DOCK6: variants seen among roughly 807,000 people sequenced by gnomAD.
DOCK6 encodes dedicator of cytokinesis protein 6.
In DOCK6, 167 loss-of-function variants were observed where a neutral mutation model predicts 230.3. The observed-to-expected ratio is 0.73, with a 90% CI of 0.64 to 0.82. The LOEUF (loss-of-function observed/expected upper bound fraction) is 0.82, where lower values mean the gene tolerates loss of function less well. Among genes scored for constraint, DOCK6 ranks in the 40% least tolerant of loss-of-function variants. DOCK6 has a pLI of 0.00. For synonymous variants in DOCK6, 1,148 were observed against 1,185.0 expected (o/e 0.97, Z 0.64); for missense variants, 2,598 against 2,825.8 (o/e 0.92, Z 1.83).
At chr19:11,218,817 G>A (rs934644894) in intron 28 of DOCK6, among the ~76,000 whole-genome samples, 1 of 145,082 alleles carries the variant, frequency 6.9e-6, no homozygotes, top group Non-Finnish European at 1.5e-5. Context: ...CTGTTCTAAG[G>A]ACTTTAAAAA....
rs1290539904 is a variant in DOCK6 at position 11,222,086 on chromosome 19, G to T, written c.3380+23C>A. On this transcript the variant is annotated intron_variant, in intron 27 of 47. Coordinates refer to ENST00000294618, the MANE Select transcript of DOCK6 (RefSeq NM_020812.4). The surrounding 1 kb of genome is among the most constrained non-coding windows in gnomAD (Gnocchi z 4.0). ...TCCTGGACTGTCCCACCTGTCCTGG[G>T]GCTAGACAGGAGCTCTGCTCACCCT... The T allele has an allele frequency of 1.9e-6, 3 of 1,610,524 alleles. No homozygotes were observed. In the South Asian group the frequency reaches 3.3e-5, roughly 18 times the overall value.
chr19:11,222,856 A>G lies in DOCK6; in HGVS notation c.3119T>C (p.Leu1040Pro). Residue 1040 changes from leucine (L) to proline (P), a missense_variant, in exon 26 of 48, where the codon CTG becomes CCG. By Grantham distance (98) the Leu-to-Pro change is moderately conservative. Coordinates refer to ENST00000294618, the MANE Select transcript of DOCK6 (RefSeq NM_020812.4). The surrounding 1 kb of genome is among the most constrained non-coding windows in gnomAD (Gnocchi z 4.0). ...SSPNPAALLTLRMEFTRILCS... is the reference protein window; with the variant it reads ...SSPNPAALLTPRMEFTRILCS... Reference sequence around the variant, plus strand: ...CAGGATGCGGGTGAATTCCATGCGCAGGGTCAGCAGGGCTGCTGGATTAGG... The same window carrying G: ...CAGGATGCGGGTGAATTCCATGCGCGGGGTCAGCAGGGCTGCTGGATTAGG... The G allele has an allele frequency of 6.2e-7, 1 of 1,604,366 alleles. No individual in the cohort carries two copies. Among genetic ancestry groups the G allele is most frequent in the Non-Finnish European group, 8.5e-7 (1 of 1,175,784 alleles).
chr19:11,201,160 C>T lies in DOCK6; in HGVS notation c.5689-108G>A. The T allele has an allele frequency of 7.2e-7, 1 of 1,390,328 alleles. No homozygotes were observed. Among genetic ancestry groups the T allele is most frequent in the Admixed American group, 2.0e-5 (1 of 49,768 alleles). 86.1% of individuals were successfully genotyped at this position (1,390,328 alleles called of 1,614,324 possible). A position where few individuals can be genotyped will look rare whatever the true frequency, so the allele number is the denominator to read the frequency against. Reference sequence around the variant, plus strand: ...GCTGGGAGTGAGAGGGGTCCAAGAACCCAGGCAATGAACAGAATCTGGGGG... The same window carrying T: ...GCTGGGAGTGAGAGGGGTCCAAGAATCCAGGCAATGAACAGAATCTGGGGG... On this transcript the variant is annotated intron_variant, in intron 44 of 47. Transcript: ENST00000294618. The surrounding 1 kb of genome is among the most constrained non-coding windows in gnomAD (Gnocchi z 4.3).
At chr19:11,252,573 T>C (rs1401496732) in intron 3 of DOCK6, 23 bp from the exon 4 acceptor site, 8 of 1,613,674 alleles carry the variant, frequency 5.0e-6, no homozygotes, top group Non-Finnish European at 5.9e-6. Context: ...AAGATCAGGG[T>C]AAACAGAGAC....
In DOCK6 at chr19:11,202,208, G is replaced by T; in HGVS notation, c.5452-83C>A. On this transcript the variant is annotated intron_variant, in intron 43 of 47. Transcript: ENST00000294618. The surrounding 1 kb of genome is among the most constrained non-coding windows in gnomAD (Gnocchi z 5.3). ...TGTTCCTGGAGAGAGGGGATCTGGG[G>T]ACTTTGTCATTTCCAAGTCTTCCTA... is the stretch of plus-strand genomic sequence containing the variant. 6.8e-7 allele frequency: 1 copy of T among 1,478,170 alleles called. No homozygotes were observed. The highest frequency in any genetic ancestry group is 1.2e-5 in the South Asian group (1 of 83,362). 91.6% of individuals were successfully genotyped at this position (1,478,170 alleles called of 1,614,324 possible). A position where few individuals can be genotyped will look rare whatever the true frequency, so the allele number is the denominator to read the frequency against.
At position 11,235,502 on chromosome 19, in the gene DOCK6, C is replaced by T. The variant is rs115949195; in HGVS notation, c.2554+96G>A. The stretch of plus-strand genomic sequence containing the variant: ...CTGACCTCAAATGATCCATCCAGCT[C>T]GGCCTCCCAAAGTCCTGGGATTACA... On this transcript the variant is annotated intron_variant, in intron 21 of 47. Coordinates refer to ENST00000294618, the MANE Select transcript of DOCK6 (RefSeq NM_020812.4). The T allele has an allele frequency of 4.3e-4, 535 of 1,245,036 alleles. 3 individuals carry two copies. In the East Asian group the frequency reaches 8.4e-3, roughly 19 times the overall value. 77.1% of individuals were successfully genotyped at this position (1,245,036 alleles called of 1,614,324 possible).
intron 14 of DOCK6, among the ~76,000 whole-genome samples, chr19:11,239,415 C>T (rs2079903705): frequency 6.6e-6 from 1 of 152,212 alleles, no homozygotes; most frequent in Non-Finnish European, 1.5e-5. Flanking sequence ...GGCCCGTCCT[C>T]TCCCAATGCC....
At chr19:11,238,407 A>G in intron 14 of DOCK6, 103 bp from the exon 15 acceptor site, 1 of 1,045,830 alleles carries the variant, frequency 9.6e-7, no homozygotes, top group Admixed American at 2.0e-5. Flanking sequence ...CAGACAGTCC[A>G]GGAAGAGTAG....
Position 11,200,433 on chromosome 19 carries a change from A to C in DOCK6, c.5976T>G (p.Ile1992Met). The C allele has an allele frequency of 6.2e-7, 1 of 1,611,506 alleles. No homozygotes were observed. Among genetic ancestry groups the C allele is most frequent in the Non-Finnish European group, 8.5e-7 (1 of 1,178,982 alleles). ...GGTGGTACTCCTTCTGGTCCGGCCCAATCAGGGCCTTATTTTTCCGCAGCG... is the reference window on the plus strand; with the variant it reads ...GGTGGTACTCCTTCTGGTCCGGCCCCATCAGGGCCTTATTTTTCCGCAGCG... The part of the protein sequence containing the change: ...EDALRKNKAL[I>M]GPDQKEYHRE... The change falls in exon 47 of 48, where the codon ATT becomes ATG. Residue 1992 changes from isoleucine to methionine, a missense_variant. Transcript: ENST00000294618. The surrounding 1 kb of genome is among the most constrained non-coding windows in gnomAD (Gnocchi z 4.3).
intron 32 of DOCK6, 103 bp downstream of exon 32, chr19:11,215,284 A>T: frequency 1.9e-6 from 2 of 1,025,662 alleles, no homozygotes; most frequent in Non-Finnish European, 2.9e-6. Context: ...AGAGGGTCTT[A>T]CTATGTTGCC....
At chr19:11,227,528 G>A (rs982468791) in intron 23 of DOCK6, 51 bp from the exon 24 acceptor site, 1 of 1,534,762 alleles carries the variant, frequency 6.5e-7, no homozygotes, top group African/African-American at 1.4e-5. Flanking sequence ...GCTGTGGGTA[G>A]GACTTGAAGG....
intron 3 of DOCK6, 53 bp from the exon 4 acceptor site, chr19:11,252,603 C>T: frequency 6.2e-7 from 1 of 1,609,316 alleles, no homozygotes; most frequent in South Asian, 1.1e-5. Context: ...GTGAATCCTT[C>T]TGCTAGCCTG....
rs546705089 is a variant in DOCK6, at chr19:11,217,481, G to A, written c.3551-90C>T. 341 of 1,502,120 alleles carry A rather than the reference G, an allele frequency of 2.3e-4. 1 individual carries two copies. The African/African-American group carries it at 4.3e-3, about 19-fold the overall frequency. 93.0% of individuals were successfully genotyped at this position (1,502,120 alleles called of 1,614,324 possible). On this transcript the variant is annotated intron_variant, in intron 28 of 47. Transcript: ENST00000294618. Reference sequence around the variant, plus strand: ...TTCAGAAGTCTTCCCTCATGGCCAGGCACAGTGGCTCACGCCTGTAATACC... The same window carrying A: ...TTCAGAAGTCTTCCCTCATGGCCAGACACAGTGGCTCACGCCTGTAATACC...
chr19:11,216,805 C>T (rs2079495178), intron 30 of DOCK6, 109 bp downstream of exon 30: 1 of 1,117,376 alleles, frequency 8.9e-7, no homozygotes, highest in Admixed American at 1.8e-5. Flanking sequence ...CCCACAGAGT[C>T]CTCTGCACAA....
intron 39 of DOCK6, 73 bp downstream of exon 39, chr19:11,208,613 G>T (rs1400402679): frequency 3.9e-6 from 6 of 1,555,584 alleles, no homozygotes; most frequent in Middle Eastern, 3.4e-4. Context: ...TGCTGGAAGG[G>T]TCTAGGAAGC....
chr19:11,238,038 T>C lies in DOCK6; in HGVS notation c.1832+7A>G. 1 of 1,613,688 alleles carries C rather than the reference T, an allele frequency of 6.2e-7. No individual in the cohort carries two copies. Among genetic ancestry groups the C allele is most frequent in the Non-Finnish European group, 8.5e-7 (1 of 1,179,786 alleles). On this transcript the variant is annotated splice_region_variant and intron_variant, in intron 16 of 47. Transcript: ENST00000294618. The stretch of plus-strand genomic sequence containing the variant: ...CCCCCAAGTTCCTCACGTGTCCCCC[T>C]ACATACTTGTTATGGTAGACCACCG...
intron 39 of DOCK6, chr19:11,208,370 TC>T (rs1275380372): frequency 6.0e-4 from 108 of 179,572 alleles, no homozygotes; most frequent in African/African-American, 2.6e-3. Flanking sequence ...AACCTCTGCC[TC>T]CCTGGGTCAA....
At position 11,202,252 on chromosome 19, in the gene DOCK6, T is replaced by C; in HGVS notation, c.5452-127A>G. 1 of 1,375,450 alleles carries C rather than the reference T, an allele frequency of 7.3e-7. No individual in the cohort carries two copies. The highest frequency in any genetic ancestry group is 1.0e-6 in the Non-Finnish European group (1 of 996,092). The allele number at this position is 1,375,450 out of a possible 1,614,324, so 85.2% of individuals were successfully genotyped here. Reference sequence around the variant, plus strand: ...CTTCCTATGTCTGGATGTTTGGGAATCCCCTGAGGAATAGGTTTTGGGGTC... The same window carrying C: ...CTTCCTATGTCTGGATGTTTGGGAACCCCCTGAGGAATAGGTTTTGGGGTC... On this transcript the variant is annotated intron_variant, in intron 43 of 47. Coordinates refer to ENST00000294618, the MANE Select transcript of DOCK6 (RefSeq NM_020812.4). The surrounding 1 kb of genome is among the most constrained non-coding windows in gnomAD (Gnocchi z 5.3).
At chr19:11,234,243 C>T (rs1201820536) in intron 21 of DOCK6, among the ~76,000 whole-genome samples, 1 of 151,640 alleles carries the variant, frequency 6.6e-6, no homozygotes, top group Non-Finnish European at 1.5e-5. Flanking sequence ...TGTCATCTGC[C>T]TGACTCAGCC....
Sources: gnomAD v4.1 joint callset for allele counts (sites outside exome capture counted in the v4.1 genomes callset) on GRCh38, gnomAD v4.1.1 for gene constraint, Gnocchi (gnomAD v3.1) non-coding constraint, MANE v1.5 for transcripts, NCBI Gene and HGNC (gene_info 2026-07-23, HGNC 2026-07-21) for gene names.